Variants in RCC2 observed in about 807,000 individuals in gnomAD.
RCC2 encodes the protein protein RCC2.
In RCC2, 19 loss-of-function variants were observed where a neutral mutation model predicts 64.1. The ratio of observed to expected loss-of-function variants is 0.30; its 90% CI spans 0.21 to 0.44. RCC2 has a LOEUF of 0.44. RCC2 is among the 20% of genes least tolerant of loss of function. The pLI is 1.00. For synonymous variants in RCC2, 325 were observed against 279.6 expected, an observed-to-expected ratio of 1.16 and a Z score of -1.62; for missense variants, 508 against 710.4, an observed-to-expected ratio of 0.72 and a Z score of 3.24.
Position 17,429,278 on chromosome 1 carries a change from G to A in RCC2, c.286-79C>T, listed in dbSNP as rs867005838. 33 of 1,094,226 alleles carry A rather than the reference G, an allele frequency of 3.0e-5. No homozygotes were observed. The Middle Eastern group carries it at 8.0e-4, about 27-fold the overall frequency. The allele number at this position is 1,094,226 out of a possible 1,614,324, so 67.8% of individuals were successfully genotyped here. ...TTCCAAGGCTGTCCAATGACAGCAC[G>A]AAACGAAAGAAAATCATTCAGTTAG... On this transcript the variant is annotated intron_variant, in intron 2 of 12. Transcript: ENST00000375436.
intron 9 of RCC2, 146 bp from the exon 10 acceptor site, chr1:17,413,324 T>C (rs1075535): frequency 0.64 from 517,722 of 810,632 alleles, 166,796 homozygotes; most frequent in African/African-American, 0.7. Flanking sequence ...GTGGCGTGCC[T>C]GTGCAGTCCT....
rs2800700 is a variant in RCC2 at position 17,416,078 on chromosome 1, A to G, written c.1026+402T>C. ...GAGTGAAACTGTCTCCAAAAAAAAA[A>G]GGGGGGGGGGGCGGGGGGGACAACC... On this transcript the variant is annotated intron_variant, in intron 8 of 12. Transcript: ENST00000375436. Among the ~76,000 whole-genome samples, 305 of 50,778 alleles carry G rather than the reference A, an allele frequency of 6.0e-3. 4 individuals are homozygous for G. The highest frequency in any genetic ancestry group is 0.02 in the African/African-American group (241 of 11,774). The allele number at this position is 50,778 out of a possible 152,430, so 33.3% of individuals were successfully genotyped here.
intron 7 of RCC2, among the ~76,000 whole-genome samples, chr1:17,419,015 C>T (rs998490074): frequency 4.6e-5 from 7 of 152,156 alleles, no homozygotes; most frequent in Admixed American, 3.3e-4. Flanking sequence ...CATCGAACAG[C>T]GGGCTTCCCT....
rs536442578 is a variant in RCC2, at chr1:17,413,783, G to A, written c.1027-66C>T. 10 of 1,427,138 alleles carry A rather than the reference G, an allele frequency of 7.0e-6. No individual in the cohort carries two copies. In the African/African-American group the frequency reaches 7.1e-5, roughly 10 times the overall value. The allele number at this position is 1,427,138 out of a possible 1,614,324, so 88.4% of individuals were successfully genotyped here. A position where few individuals can be genotyped will look rare whatever the true frequency, so the allele number is the denominator to read the frequency against. On this transcript the variant is annotated intron_variant, in intron 8 of 12. Coordinates refer to ENST00000375436, the MANE Select transcript of RCC2 (RefSeq NM_018715.4). ...CCAACAGGCAACAAGAGGGGTCATC[G>A]TTTCTGTGCAGACAACCTGGTGCAA...
intron 4 of RCC2, among the ~76,000 whole-genome samples, chr1:17,423,863 T>A (rs75564120): frequency 0.036 from 5,451 of 152,322 alleles, 137 homozygotes; most frequent in Non-Finnish European, 0.05. Context: ...GCCATTAAGA[T>A]GAGTTCCAGC....
chr1:17,439,605 C>T lies in RCC2; in HGVS notation c.-69G>A, dbSNP rs1246183503. Reference sequence around the variant, plus strand: ...GAAGAGAAGCAACTAAAAGACGGATCGGAGGGCTTTTTTTTTTCCGGCCCA... The same window carrying T: ...GAAGAGAAGCAACTAAAAGACGGATTGGAGGGCTTTTTTTTTTCCGGCCCA... On this transcript the variant is annotated 5_prime_UTR_variant, in exon 1 of 13. Transcript: ENST00000375436. The T allele has an allele frequency of 2.0e-5, 3 of 149,442 alleles. No individual in the cohort carries two copies. The highest frequency in any genetic ancestry group is 4.5e-5 in the Non-Finnish European group (3 of 67,388). 9.3% of individuals were successfully genotyped at this position (149,442 alleles called of 1,614,324 possible). A position where few individuals can be genotyped will look rare whatever the true frequency, so the allele number is the denominator to read the frequency against.
chr1:17,424,664 A>C (rs1020406758), intron 4 of RCC2, among the ~76,000 whole-genome samples: 1 of 152,208 alleles, frequency 6.6e-6, no homozygotes. Context: ...ATCACAAAAA[A>C]CGGTTCAAAC....
At chr1:17,416,400 C>T (rs890423964) in intron 8 of RCC2, 80 bp downstream of exon 8, 114 of 1,480,154 alleles carry the variant, frequency 7.7e-5, no homozygotes, top group Non-Finnish European at 1.0e-4. Flanking sequence ...CTAGCCAAAG[C>T]CAAGCGTCAG....
chr1:17,422,118 T>C (rs2075562502), intron 6 of RCC2, 85 bp downstream of exon 6: 1 of 955,896 alleles, frequency 1.0e-6, no homozygotes, highest in Non-Finnish European at 1.6e-6. Context: ...GTAAATTAAC[T>C]CAAACGGAGA....
chr1:17,413,405 C>G (rs1310763941), intron 9 of RCC2, 132 bp downstream of exon 9: 6 of 1,047,632 alleles, frequency 5.7e-6, no homozygotes, highest in Non-Finnish European at 8.7e-6. Context: ...GACAACACAA[C>G]GAGTTCCTGT....
chr1:17,409,944 C>A (rs1202689520), intron 12 of RCC2, 30 bp downstream of exon 12: 1 of 1,590,788 alleles, frequency 6.3e-7, no homozygotes, highest in Non-Finnish European at 8.6e-7. Flanking sequence ...ACGGACACGT[C>A]CCCGAGCTGG....
Position 17,408,789 on chromosome 1 carries a change from TA to T in RCC2, c.*300del, listed in dbSNP as rs56926341. On this transcript the variant is annotated 3_prime_UTR_variant, in exon 13 of 13. Coordinates refer to ENST00000375436, the MANE Select transcript of RCC2 (RefSeq NM_018715.4). ...TCAGGAGAGGAAGAAAGAAAAAACTTAAAAAAAAAAAAAACCTAGATTGCTC... is the reference window on the plus strand; with the variant it reads ...TCAGGAGAGGAAGAAAGAAAAAACTTAAAAAAAAAAAAACCTAGATTGCTC... The T allele has an allele frequency of 0.043, 10,907 of 254,116 alleles. 26 individuals are homozygous for T. The highest frequency in any genetic ancestry group is 0.048 in the East Asian group (631 of 13,152). The allele number at this position is 254,116 out of a possible 1,614,324, so 15.7% of individuals were successfully genotyped here. A position where few individuals can be genotyped will look rare whatever the true frequency, so the allele number is the denominator to read the frequency against.
At chr1:17,419,713 C>T (rs571609183) in intron 7 of RCC2, among the ~76,000 whole-genome samples, 5 of 152,152 alleles carry the variant, frequency 3.3e-5, no homozygotes, top group Non-Finnish European at 7.3e-5. Flanking sequence ...GACGGAAAAT[C>T]GACTTGCCGG....
intron 8 of RCC2, among the ~76,000 whole-genome samples, chr1:17,414,069 G>A (rs1257919799): frequency 6.6e-6 from 1 of 152,212 alleles, no homozygotes; most frequent in Non-Finnish European, 1.5e-5. Context: ...TAGCAAAATG[G>A]CATGCATTCA....
chr1:17,418,246 G>C lies in RCC2; in HGVS notation c.860-1600C>G, dbSNP rs982928044. Among the ~76,000 whole-genome samples the C allele has an allele frequency of 7.9e-4, 112 of 141,280 alleles. 1 individual carries two copies. Among genetic ancestry groups the C allele is most frequent in the African/African-American group, 2.9e-3 (108 of 37,820 alleles). 92.7% of individuals were successfully genotyped at this position (141,280 alleles called of 152,430 possible). A position where few individuals can be genotyped will look rare whatever the true frequency, so the allele number is the denominator to read the frequency against. On this transcript the variant is annotated intron_variant, in intron 7 of 12. Coordinates refer to ENST00000375436, the MANE Select transcript of RCC2 (RefSeq NM_018715.4). ...TTTTTTTTTTTTGAGACAGAGTCTC[G>C]CTCTGTCGCCCAGGCTGGAGTGCGG...
chr1:17,439,272 T>C (rs1396211514), intron 1 of RCC2, among the ~76,000 whole-genome samples: 1 of 149,510 alleles, frequency 6.7e-6, no homozygotes, highest in African/African-American at 2.5e-5. Flanking sequence ...CCGATTCGAC[T>C]GCAAAGTGTC....
intron 2 of RCC2, among the ~76,000 whole-genome samples, chr1:17,434,539 T>C (rs1397085694): frequency 3.3e-5 from 5 of 152,152 alleles, no homozygotes; most frequent in Non-Finnish European, 7.3e-5. Context: ...TTTCCCTGAG[T>C]TCTGTGAGCC....
At chr1:17,437,921 G>A (rs981877062) in intron 2 of RCC2, among the ~76,000 whole-genome samples, 12 of 145,374 alleles carry the variant, frequency 8.3e-5, no homozygotes, top group Non-Finnish European at 1.7e-4. Context: ...GAGCTGTGGG[G>A]GCGGGGCCAT....
chr1:17,436,170 A>C (rs539602051), intron 2 of RCC2, among the ~76,000 whole-genome samples: 1 of 152,338 alleles, frequency 6.6e-6, no homozygotes, highest in East Asian at 1.9e-4. Flanking sequence ...ACAGGAACTT[A>C]AAAGCTGCAA....
Sources: allele counts gnomAD v4.1 joint callset (sites outside exome capture counted in the v4.1 genomes callset), GRCh38; gene constraint gnomAD v4.1.1; transcripts MANE v1.5; gene names NCBI Gene and HGNC (gene_info 2026-07-23, HGNC 2026-07-21).